Variants in BIN2 observed in about 807,000 individuals in gnomAD.
The protein encoded by BIN2 is breast cancer associated protein BRAP1.
BIN2 carries 43 observed loss-of-function variants against 67.9 expected under a neutral mutation model. The ratio of observed to expected loss-of-function variants is 0.63; its 90% CI spans 0.50 to 0.82. The LOEUF (loss-of-function observed/expected upper bound fraction) is 0.82, where lower values mean the gene tolerates loss of function less well. Ranked by LOEUF, BIN2 falls within the 40% of genes least tolerant of loss-of-function variation. The probability of loss-of-function intolerance (pLI) is 0.00; values close to 1 mark genes in which losing one functional copy is unlikely to be tolerated. For missense variants in BIN2, 581 were observed against 671.6 expected (o/e 0.87, Z 1.49); for synonymous variants, 244 against 246.8 (o/e 0.99, Z 0.11).
chr12:51,309,639 G>A (rs1471281036), intron 2 of BIN2, among the ~76,000 whole-genome samples: 1 of 151,934 alleles, frequency 6.6e-6, no homozygotes, highest in African/African-American at 2.4e-5. Context: ...GCCTCCCAAA[G>A]TGTTGGGATG....
chr12:51,315,308 C>G (rs1289026789), intron 1 of BIN2, among the ~76,000 whole-genome samples: 3 of 151,798 alleles, frequency 2.0e-5, no homozygotes, highest in Non-Finnish European at 4.4e-5. Flanking sequence ...TAGCTTCGGA[C>G]TACAGGCGCC....
intron 4 of BIN2, 84 bp downstream of exon 4, chr12:51,302,602 T>C: frequency 8.4e-7 from 1 of 1,184,148 alleles, no homozygotes; most frequent in East Asian, 2.3e-5. Flanking sequence ...GTTTTCCTAT[T>C]TTCTTGGATA....
At chr12:51,308,631 G>A (rs1433511383) in intron 2 of BIN2, among the ~76,000 whole-genome samples, 1 of 152,188 alleles carries the variant, frequency 6.6e-6, no homozygotes, top group Non-Finnish European at 1.5e-5. Flanking sequence ...TTGGTTTAAT[G>A]TAGATCTAGG....
chr12:51,286,061 A>G (rs1945230797), intron 11 of BIN2, among the ~76,000 whole-genome samples: 1 of 152,146 alleles, frequency 6.6e-6, no homozygotes, highest in Non-Finnish European at 1.5e-5. Flanking sequence ...AAAGTTATCA[A>G]AACCTTCCAT....
At chr12:51,297,364 C>G (rs140230076) in intron 7 of BIN2, 200 bp from the exon 8 acceptor site, 28 of 471,348 alleles carry the variant, frequency 5.9e-5, no homozygotes, top group Admixed American at 1.1e-4. Context: ...GTCAGGAGAT[C>G]AAGACCATCC....
At chr12:51,314,931 C>T (rs1223365273) in intron 1 of BIN2, among the ~76,000 whole-genome samples, 1 of 151,940 alleles carries the variant, frequency 6.6e-6, no homozygotes, top group East Asian at 1.9e-4. Context: ...CAACTTACTA[C>T]AGCCTCAACC....
At position 51,324,162 on chromosome 12, in the gene BIN2, C is replaced by G; in HGVS notation, c.-60G>C. 1 of 1,599,212 alleles carries G rather than the reference C, an allele frequency of 6.3e-7. No individual in the cohort carries two copies. Among genetic ancestry groups the G allele is most frequent in the South Asian group, 1.1e-5 (1 of 89,848 alleles). ...CGCGCCCTGTGGTTTTCTGAGGCCC[C>G]CGAGGAGGAAGTGCGGGCTCCCGGC... On this transcript the variant is annotated 5_prime_UTR_variant, in exon 1 of 13. Coordinates refer to ENST00000615107, the MANE Select transcript of BIN2 (RefSeq NM_016293.4).
In BIN2 at chr12:51,288,727, G is replaced by A. The variant is rs1267689869; in HGVS notation, c.1516-539C>T. ...CCATAATCCTCTCTACAATGTACCT[G>A]ACTGGAGATAATCTATCCTAGATCT... On this transcript the variant is annotated intron_variant, in intron 10 of 12. Transcript: ENST00000615107. Among the ~76,000 whole-genome samples, 3 of 149,424 alleles carry A rather than the reference G, an allele frequency of 2.0e-5. No individual in the cohort carries two copies. In the Admixed American group the frequency reaches 2.1e-4, roughly 10 times the overall value.
intron 5 of BIN2, 79 bp from the exon 6 acceptor site, chr12:51,299,793 G>T: frequency 8.2e-7 from 1 of 1,220,878 alleles, no homozygotes; most frequent in Non-Finnish European, 1.2e-6. Context: ...ACCAAACAGA[G>T]AGCAAGATTC....
chr12:51,317,631 T>A (rs1325132795), intron 1 of BIN2, among the ~76,000 whole-genome samples: 1 of 151,540 alleles, frequency 6.6e-6, no homozygotes, highest in Non-Finnish European at 1.5e-5. Flanking sequence ...CACTCCAGCC[T>A]GGGCAACAGA....
Position 51,319,979 on chromosome 12 carries a change from C to G in BIN2, c.81+4043G>C, listed in dbSNP as rs911605702. Among the ~76,000 whole-genome samples the G allele has an allele frequency of 6.9e-5, 4 of 58,010 alleles. No homozygotes were observed. The East Asian group carries it at 1.6e-3, about 23-fold the overall frequency. 38.1% of individuals were successfully genotyped at this position (58,010 alleles called of 152,430 possible). A position where few individuals can be genotyped will look rare whatever the true frequency, so the allele number is the denominator to read the frequency against. ...TCTCTTTCCTTCCTTCCTTCCTTTT[C>G]TCCCTCTCTTTCTTTCTTACTTTCG... On this transcript the variant is annotated intron_variant, in intron 1 of 12. Transcript: ENST00000615107.
In BIN2 at chr12:51,284,705, T is replaced by C; in HGVS notation, c.1668+11A>G. 6.3e-7 allele frequency: 1 copy of C among 1,592,944 alleles called. No individual in the cohort carries two copies. Among genetic ancestry groups the C allele is most frequent in the Non-Finnish European group, 8.6e-7 (1 of 1,160,970 alleles). ...TAATGCCCAATCTATTCTCTGTATA[T>C]CTGGTCTTACCTCTTCTTGAGGTTC... On this transcript the variant is annotated intron_variant, in intron 12 of 12. Coordinates refer to ENST00000615107, the MANE Select transcript of BIN2 (RefSeq NM_016293.4).
Position 51,303,094 on chromosome 12 carries a change from T to G in BIN2, c.210A>C (p.Ala70=), listed in dbSNP as rs1368951923. 6.2e-7 allele frequency: 1 copy of G among 1,614,182 alleles called. No individual in the cohort carries two copies. The highest frequency in any genetic ancestry group is 1.1e-5 in the South Asian group (1 of 91,082). Residue 70 remains alanine (A), a synonymous_variant, in exon 3 of 13, where the codon GCA becomes GCC. Coordinates refer to ENST00000615107, the MANE Select transcript of BIN2 (RefSeq NM_016293.4). ...CCATGCTGCATTGCCCACCTTTGACTGCACTAAGGAAGTTCTTCAGGTCCT... is the reference window on the plus strand; with the variant it reads ...CCATGCTGCATTGCCCACCTTTGACGGCACTAAGGAAGTTCTTCAGGTCCT... ...LYKDLKNFLS[A]VKVMHESSKR...
intron 7 of BIN2, among the ~76,000 whole-genome samples, chr12:51,298,016 C>A (rs1945616357): frequency 6.6e-6 from 1 of 150,822 alleles, no homozygotes; most frequent in Non-Finnish European, 1.5e-5. Context: ...GAGGCTGGGG[C>A]AGGTAGATCA....
rs1946069380 is a variant in BIN2, at chr12:51,314,243, TCAC to T, written c.82-343_82-341del. 2.0e-5 allele frequency among the ~76,000 whole-genome samples: 3 copies of T among 151,826 alleles called. No individual in the cohort carries two copies. The South Asian group carries it at 6.2e-4, about 32-fold the overall frequency. The stretch of plus-strand genomic sequence containing the variant: ...TTGTATTTTTAGTAGAGACGGGGTT[TCAC>T]CATGTTGGCCAGGCTGATCTCGAAC... On this transcript the variant is annotated intron_variant, in intron 1 of 12. Transcript: ENST00000615107.
chr12:51,302,999 A>AC, intron 3 of BIN2, 88 bp downstream of exon 3: 1 of 1,453,188 alleles, frequency 6.9e-7, no homozygotes, highest in South Asian at 1.1e-5. Flanking sequence ...AATGACAAAA[A>AC]CCTGGGGGTA....
At chr12:51,289,908 C>T (rs1945338974) in intron 10 of BIN2, among the ~76,000 whole-genome samples, 1 of 151,808 alleles carries the variant, frequency 6.6e-6, no homozygotes, top group Non-Finnish European at 1.5e-5. Context: ...TAGGTCTTCT[C>T]ATCAGAGAAG....
chr12:51,297,524 G>A (rs1945599623), intron 7 of BIN2, among the ~76,000 whole-genome samples: 1 of 152,072 alleles, frequency 6.6e-6, no homozygotes, highest in Non-Finnish European at 1.5e-5. Context: ...CCGAGATCGT[G>A]CCACTGCACT....
Position 51,313,593 on chromosome 12 carries a change from G to A in BIN2, c.162+230C>T, listed in dbSNP as rs142114751. ...TGACCTCAGGTGATCCGCCCGCCTC[G>A]CCCTCCCAAAGTGTTGGGATTATAG... On this transcript the variant is annotated intron_variant, in intron 2 of 12. Transcript: ENST00000615107. Among the ~76,000 whole-genome samples, 328 of 152,094 alleles carry A rather than the reference G, an allele frequency of 2.2e-3. 7 individuals carry two copies. The East Asian group carries it at 0.041, about 19-fold the overall frequency.
Sources: allele counts gnomAD v4.1 joint callset (sites outside exome capture counted in the v4.1 genomes callset), GRCh38; gene constraint gnomAD v4.1.1; transcripts MANE v1.5; gene names NCBI Gene and HGNC (gene_info 2026-07-23, HGNC 2026-07-21).